The following FOXP2 variants were observed in gnomAD, a reference collection of about 807,000 sequenced individuals.
The protein encoded by FOXP2 is forkhead box protein P2.
FOXP2 carries 12 observed loss-of-function variants against 115.8 expected under a neutral mutation model. That is an observed-to-expected ratio of 0.10 (90% confidence interval 0.07 to 0.17). The LOEUF (loss-of-function observed/expected upper bound fraction) is 0.17. FOXP2 is among the 10% of genes least tolerant of loss of function. FOXP2 has a pLI of 1.00. For missense variants in FOXP2, 629 were observed against 843.5 expected (o/e 0.75, Z 3.15); for synonymous variants, 328 against 297.7 (o/e 1.10, Z -1.05).
At chr7:114,516,197 G>T (rs1798334509) in intron 2 of FOXP2, among the ~76,000 whole-genome samples, 1 of 152,128 alleles carries the variant, frequency 6.6e-6, no homozygotes, top group South Asian at 2.1e-4. Context: ...GCATGGTGCT[G>T]TTATCAAAAC....
chr7:114,243,773 C>A (rs1371861587), intron 1 of FOXP2, among the ~76,000 whole-genome samples: 1 of 151,984 alleles, frequency 6.6e-6, no homozygotes, highest in African/African-American at 2.4e-5. Flanking sequence ...GGGAGAAATT[C>A]TCAGGAAAGA....
intron 6 of FOXP2, 84 bp downstream of exon 6, chr7:114,631,789 A>T: frequency 6.8e-7 from 1 of 1,468,548 alleles, no homozygotes; most frequent in Non-Finnish European, 9.5e-7. Flanking sequence ...TACCTTGAGA[A>T]ATTTTGTTTT....
chr7:114,454,076 C>G (rs2129220568), intron 2 of FOXP2, among the ~76,000 whole-genome samples: 1 of 150,824 alleles, frequency 6.6e-6, no homozygotes, highest in South Asian at 2.1e-4. Context: ...TCAGAGTGAA[C>G]AGGCAACCTA....
intron 1 of FOXP2, among the ~76,000 whole-genome samples, chr7:114,187,684 G>A (rs1237710835): frequency 1.3e-5 from 2 of 152,146 alleles, no homozygotes; most frequent in Non-Finnish European, 2.9e-5. Context: ...TACATTTTTA[G>A]GTATTTGTTA....
chr7:114,309,112 G>T (rs866415591), intron 2 of FOXP2, among the ~76,000 whole-genome samples: 1 of 152,156 alleles, frequency 6.6e-6, no homozygotes, highest in East Asian at 1.9e-4. Context: ...CAGAGAGCAG[G>T]TTTGTTCACT....
chr7:114,365,231 G>A (rs1465619246), intron 2 of FOXP2, among the ~76,000 whole-genome samples: 1 of 152,016 alleles, frequency 6.6e-6, no homozygotes, highest in African/African-American at 2.4e-5. Flanking sequence ...TTTTGTAAGA[G>A]GTGACCTTAG....
chr7:114,309,028 A>G (rs763643430), intron 2 of FOXP2, among the ~76,000 whole-genome samples: 6 of 152,184 alleles, frequency 3.9e-5, no homozygotes, highest in Non-Finnish European at 8.8e-5. Context: ...GTACTATCTA[A>G]TCTTTTCAGA....
chr7:114,381,837 C>T (rs1439626578), intron 2 of FOXP2, among the ~76,000 whole-genome samples: 1 of 151,990 alleles, frequency 6.6e-6, no homozygotes, highest in Non-Finnish European at 1.5e-5. Flanking sequence ...TGTTGGGTCT[C>T]GGGTCTGAGG....
chr7:114,556,305 A>G (rs907535923), intron 3 of FOXP2, among the ~76,000 whole-genome samples: 4 of 152,138 alleles, frequency 2.6e-5, no homozygotes, highest in Non-Finnish European at 5.9e-5. Flanking sequence ...TCTATTCCTC[A>G]TTTATCCTTA....
At chr7:114,662,879 C>T (rs1348790352) in intron 14 of FOXP2, among the ~76,000 whole-genome samples, 3 of 152,062 alleles carry the variant, frequency 2.0e-5, no homozygotes, top group Non-Finnish European at 4.4e-5. Flanking sequence ...TACTTATTCC[C>T]CCAAACTTCT....
At chr7:114,396,538 T>A (rs1042949650) in intron 2 of FOXP2, among the ~76,000 whole-genome samples, 8 of 152,112 alleles carry the variant, frequency 5.3e-5, no homozygotes, top group Non-Finnish European at 1.2e-4. Context: ...TAGTCCTATT[T>A]TTAATTTTTT....
chr7:114,253,091 A>AT (rs1360907164), intron 1 of FOXP2, among the ~76,000 whole-genome samples: 11 of 151,922 alleles, frequency 7.2e-5, no homozygotes, highest in African/African-American at 2.7e-4. Flanking sequence ...TTTCCATGTA[A>AT]TTGAGCGGTT....
intron 16 of FOXP2, chr7:114,666,048 A>C (rs542632257): frequency 6.6e-6 from 1 of 152,184 alleles, no homozygotes; most frequent in East Asian, 1.9e-4. Context: ...ATTTCAGAGA[A>C]ATATTAGTAT....
chr7:114,321,321 C>T (rs922021376), intron 2 of FOXP2, among the ~76,000 whole-genome samples: 1 of 151,890 alleles, frequency 6.6e-6, no homozygotes, highest in Non-Finnish European at 1.5e-5. Context: ...GCCTCAGCCT[C>T]TCGAGTAGCT....
At chr7:114,420,825 A>G (rs1793587928) in intron 1 of FOXP2, among the ~76,000 whole-genome samples, 1 of 151,818 alleles carries the variant, frequency 6.6e-6, no homozygotes, top group African/African-American at 2.4e-5. Context: ...TTAAACTAAC[A>G]TTAAAATTTA....
intron 2 of FOXP2, among the ~76,000 whole-genome samples, chr7:114,533,316 T>C (rs1799230490): frequency 6.6e-6 from 1 of 151,916 alleles, no homozygotes; most frequent in Non-Finnish European, 1.5e-5. Flanking sequence ...CAGCCCTCTC[T>C]GTCTTTTCAT....
At chr7:114,333,723 A>T (rs1476775445) in intron 2 of FOXP2, among the ~76,000 whole-genome samples, 1 of 152,184 alleles carries the variant, frequency 6.6e-6, no homozygotes, top group African/African-American at 2.4e-5. Context: ...CCCCGTCTCT[A>T]GTAAACATAC....
intron 1 of FOXP2, 84 bp from the exon 2 acceptor site, chr7:114,426,418 C>T (rs1793850565): frequency 4.7e-6 from 6 of 1,284,424 alleles, no homozygotes; most frequent in Non-Finnish European, 6.8e-6. Flanking sequence ...GATGCTGTCT[C>T]TGTAATTGGC....
At chr7:114,118,805 G>A (rs1791479307) in intron 1 of FOXP2, among the ~76,000 whole-genome samples, 1 of 152,072 alleles carries the variant, frequency 6.6e-6, no homozygotes, top group Non-Finnish European at 1.5e-5. Context: ...AGTTACAGAG[G>A]TTTGCACACA....
Sources: allele counts gnomAD v4.1 joint callset (sites outside exome capture counted in the v4.1 genomes callset), GRCh38; gene constraint gnomAD v4.1.1; transcripts MANE v1.5; gene names NCBI Gene and HGNC (gene_info 2026-07-23, HGNC 2026-07-21).